The following HIVEP1 variants were observed in gnomAD, a reference collection of about 807,000 sequenced individuals.
HIVEP1 encodes the protein zinc finger protein 40.
In HIVEP1, 36 loss-of-function variants were observed where a neutral mutation model predicts 180.0. The ratio of observed to expected loss-of-function variants is 0.20; its 90% CI spans 0.15 to 0.26. HIVEP1 has a LOEUF of 0.26. Among genes scored for constraint, HIVEP1 ranks in the 10% least tolerant of loss-of-function variants. The pLI, the probability that HIVEP1 is intolerant of heterozygous loss-of-function variation, is 1.00. For missense variants in HIVEP1, 3,143 were observed against 3,268.7 expected (o/e 0.96, Z 0.94); for synonymous variants, 1,239 against 1,239.0 (o/e 1.00, Z 0.00).
chr6:12,148,401 C>T, intron 7 of HIVEP1, among the ~76,000 whole-genome samples: 1 of 152,244 alleles, frequency 6.6e-6, no homozygotes, highest in African/African-American at 2.4e-5. Context: ...TATGTAAAGC[C>T]TCTGCCATTC....
At chr6:12,136,708 T>TTTA (rs1455725817) in intron 7 of HIVEP1, among the ~76,000 whole-genome samples, 2 of 152,188 alleles carry the variant, frequency 1.3e-5, no homozygotes, top group Non-Finnish European at 2.9e-5. Context: ...CTCCAAAGTG[T>TTTA]TTATTATTCC....
intron 3 of HIVEP1, among the ~76,000 whole-genome samples, chr6:12,111,234 G>A (rs762637682): frequency 3.3e-5 from 5 of 152,258 alleles, no homozygotes; most frequent in Non-Finnish European, 7.3e-5. Context: ...GAGTGCATAT[G>A]TTTGGAGAAA....
chr6:12,110,991 A>T lies in HIVEP1; in HGVS notation c.95-8899A>T, dbSNP rs115622149. Among the ~76,000 whole-genome samples the T allele has an allele frequency of 4.2e-3, 635 of 152,352 alleles. 4 individuals are homozygous for T. The highest frequency in any genetic ancestry group is 0.015 in the African/African-American group (604 of 41,588). On this transcript the variant is annotated intron_variant, in intron 3 of 8. Coordinates refer to ENST00000379388, the MANE Select transcript of HIVEP1 (RefSeq NM_002114.4). ...CATTGTTGTGTCTTGGGTAATAGGC[A>T]GGTCCAAGGAGAGGCAGAGAGACGG...
rs889360612 is a variant in HIVEP1 at position 12,018,866 on chromosome 6, A to C, written c.40+3198A>C. ...AGGAGACAGAGAGGCAGGATACTGG[A>C]GCAGGAGAATCAGGAGGAATCAGAT... On this transcript the variant is annotated intron_variant, in intron 2 of 8. Coordinates refer to ENST00000379388, the MANE Select transcript of HIVEP1 (RefSeq NM_002114.4). 1.1e-4 allele frequency among the ~76,000 whole-genome samples: 16 copies of C among 152,212 alleles called. 1 individual carries two copies. The highest frequency in any genetic ancestry group is 3.6e-4 in the African/African-American group (15 of 41,454).
Position 12,103,013 on chromosome 6 carries a change from ATATGTT to A in HIVEP1, c.94+13781_94+13786del, listed in dbSNP as rs1406115130. On this transcript the variant is annotated intron_variant, in intron 3 of 8. Coordinates refer to ENST00000379388, the MANE Select transcript of HIVEP1 (RefSeq NM_002114.4). ...GTTATTTTAAAACATCAAATAAAAT[ATATGTT>A]TATGAGTTTTTTTATGAGAAGGGTA... Among the ~76,000 whole-genome samples, 4 of 152,186 alleles carry A rather than the reference ATATGTT, an allele frequency of 2.6e-5. No homozygotes were observed. In the East Asian group the frequency reaches 7.7e-4, roughly 29 times the overall value.
intron 3 of HIVEP1, among the ~76,000 whole-genome samples, chr6:12,104,425 C>CTTTTTTTTTTTTTT (rs70981665): frequency 2.9e-4 from 21 of 72,778 alleles, no homozygotes; most frequent in Admixed American, 4.2e-4. Flanking sequence ...CTTTTCTTTC[C>CTTTTTTTTTTTTTT]TTTTTTTTTT....
At chr6:12,034,576 A>G (rs1769159781) in intron 2 of HIVEP1, among the ~76,000 whole-genome samples, 2 of 152,234 alleles carry the variant, frequency 1.3e-5, no homozygotes, top group African/African-American at 2.4e-5. Context: ...GATAAGGGCT[A>G]TGGAACAATG....
At chr6:12,175,258 C>T in the HIVEP1 span, among the ~76,000 whole-genome samples, 1 of 152,164 alleles carries the variant, frequency 6.6e-6, no homozygotes, top group Admixed American at 6.5e-5. Context: ...CAAATCAAAA[C>T]ATTAGCTTAA....
intron 6 of HIVEP1, among the ~76,000 whole-genome samples, chr6:12,133,642 TAAA>T (rs1211002801): frequency 6.6e-6 from 1 of 152,164 alleles, no homozygotes; most frequent in African/African-American, 2.4e-5. Flanking sequence ...ATTAGTTTCT[TAAA>T]AAGTAAATAA....
chr6:12,103,680 AAGAGT>A (rs2113408259), intron 3 of HIVEP1, among the ~76,000 whole-genome samples: 1 of 152,056 alleles, frequency 6.6e-6, no homozygotes, highest in African/African-American at 2.4e-5. Flanking sequence ...AGGGAAGGAG[AAGAGT>A]ATTGTGTAGG....
chr6:12,164,190 G>A lies in HIVEP1; in HGVS notation c.7886G>A (p.Gly2629Asp). The A allele has an allele frequency of 6.2e-7, 1 of 1,614,190 alleles. No individual in the cohort carries two copies. Among genetic ancestry groups the A allele is most frequent in the African/African-American group, 1.3e-5 (1 of 75,056 alleles). ...APAGDHARLD[G>D]LSKMDTEKAA... ...GCAGGTGACCATGCAAGGCTTGATG[G>A]CCTGAGTAAAATGGACACAGAGAAG... The change falls in exon 9 of 9, where the codon GGC becomes GAC. Residue 2629 changes from glycine (G) to aspartate (D), a missense_variant. Physicochemically the swap from Gly to Asp is moderately conservative, Grantham distance 94. This residue lies in a region of HIVEP1 where 595 missense variants were observed against 602.2 expected (regional missense o/e 0.99). Coordinates refer to ENST00000379388, the MANE Select transcript of HIVEP1 (RefSeq NM_002114.4).
the HIVEP1 span, among the ~76,000 whole-genome samples, chr6:12,172,679 A>T: frequency 2.0e-5 from 3 of 152,172 alleles, no homozygotes; most frequent in East Asian, 3.8e-4. Context: ...TAATTTTAAC[A>T]TTTACAACAG....
At chr6:12,117,054 C>T (rs1343178248) in intron 3 of HIVEP1, among the ~76,000 whole-genome samples, 5 of 152,070 alleles carry the variant, frequency 3.3e-5, no homozygotes, top group African/African-American at 1.2e-4. Flanking sequence ...CAGTTGTCAA[C>T]ATAAGAGAAA....
Position 12,067,775 on chromosome 6 carries a change from C to G in HIVEP1, c.41-21409C>G, listed in dbSNP as rs376122247. ...GTTATGATGAAAGGAAACAACTGCT[C>G]TGGTAGGGAAGGGAAGGTATTAGGT... On this transcript the variant is annotated intron_variant, in intron 2 of 8. Coordinates refer to ENST00000379388, the MANE Select transcript of HIVEP1 (RefSeq NM_002114.4). 1.1e-4 allele frequency among the ~76,000 whole-genome samples: 17 copies of G among 151,870 alleles called. No homozygotes were observed. The East Asian group carries it at 2.7e-3, about 24-fold the overall frequency.
the HIVEP1 span, among the ~76,000 whole-genome samples, chr6:12,203,258 C>T: frequency 6.6e-6 from 1 of 152,310 alleles, no homozygotes; most frequent in East Asian, 1.9e-4. Flanking sequence ...CAGAAAGATC[C>T]GTATGGAATG....
chr6:12,037,817 C>T (rs1485002209), intron 2 of HIVEP1: 2 of 429,730 alleles, frequency 4.7e-6, no homozygotes, highest in Non-Finnish European at 8.3e-6. Context: ...GGCTTGTCCC[C>T]TTCCTGCTTT....
the HIVEP1 span, among the ~76,000 whole-genome samples, chr6:12,205,376 C>T: frequency 6.6e-6 from 1 of 151,884 alleles, no homozygotes; most frequent in Non-Finnish European, 1.5e-5. Flanking sequence ...GAGGCTGAAG[C>T]AGGAGAACGG....
At chr6:12,136,639 C>T (rs546756393) in intron 7 of HIVEP1, among the ~76,000 whole-genome samples, 7 of 152,322 alleles carry the variant, frequency 4.6e-5, no homozygotes, top group Admixed American at 2.6e-4. Context: ...AAGCACTTAG[C>T]GCAGTGCCTT....
chr6:12,180,685 C>T, the HIVEP1 span, among the ~76,000 whole-genome samples: 1 of 152,102 alleles, frequency 6.6e-6, no homozygotes, highest in African/African-American at 2.4e-5. Context: ...ATTAGGCCAC[C>T]TTCTGGGCTT....
Sources: gnomAD v4.1 joint callset for allele counts (sites outside exome capture counted in the v4.1 genomes callset) on GRCh38, gnomAD v4.1.1 for gene constraint, gnomAD v4.1.1 regional missense constraint, MANE v1.5 for transcripts, NCBI Gene and HGNC (gene_info 2026-07-23, HGNC 2026-07-21) for gene names.